The following UVRAG variants were observed in gnomAD, a reference collection of about 807,000 sequenced individuals.
The protein encoded by UVRAG is UV radiation resistance associated, also known as UV radiation resistance-associated gene protein.
In UVRAG, 19 loss-of-function variants were observed where a neutral mutation model predicts 78.0. The ratio of observed to expected loss-of-function variants is 0.24; its 90% CI spans 0.17 to 0.36. UVRAG has a LOEUF of 0.36. Among genes scored for constraint, UVRAG ranks in the 10% least tolerant of loss-of-function variants. The pLI, the probability that UVRAG is intolerant of heterozygous loss-of-function variation, is 1.00. For missense variants in UVRAG, 740 were observed against 853.8 expected, an observed-to-expected ratio of 0.87 and a Z score of 1.66; for synonymous variants, 323 against 324.6, an observed-to-expected ratio of 1.00 and a Z score of 0.05.
intron 1 of UVRAG, among the ~76,000 whole-genome samples, chr11:75,839,862 T>TATATATATAG (rs146855804): frequency 6.7e-5 from 10 of 149,036 alleles, no homozygotes; most frequent in Admixed American, 2.0e-4. Flanking sequence ...CATATATATA[T>TATATATATAG]AGAGAGAGAG....
intron 11 of UVRAG, among the ~76,000 whole-genome samples, chr11:76,015,967 A>G (rs1020484122): frequency 6.6e-6 from 1 of 152,248 alleles, no homozygotes; most frequent in Non-Finnish European, 1.5e-5. Context: ...GGAATACTGT[A>G]TACCAAGAAG....
chr11:75,843,074 C>G (rs1446072874), intron 1 of UVRAG, among the ~76,000 whole-genome samples: 1 of 152,140 alleles, frequency 6.6e-6, no homozygotes, highest in East Asian at 1.9e-4. Context: ...TGATGCAGAA[C>G]AAGATTAAGG....
intron 12 of UVRAG, among the ~76,000 whole-genome samples, chr11:76,026,346 T>C (rs1274464713): frequency 6.6e-6 from 1 of 152,188 alleles, no homozygotes; most frequent in Non-Finnish European, 1.5e-5. Context: ...ACATCTTATA[T>C]TAAGAATTAC....
At chr11:75,893,451 G>T (rs1947266020) in intron 5 of UVRAG, among the ~76,000 whole-genome samples, 1 of 151,728 alleles carries the variant, frequency 6.6e-6, no homozygotes, top group Admixed American at 6.6e-5. Flanking sequence ...AGAACTTTAA[G>T]AATAATCCTA....
chr11:75,871,203 C>T (rs943273126), intron 3 of UVRAG, among the ~76,000 whole-genome samples: 8 of 151,888 alleles, frequency 5.3e-5, no homozygotes, highest in Admixed American at 1.3e-4. Context: ...ACTACCTTTT[C>T]CCAGAGAGAA....
At chr11:76,135,662 T>C (rs75294278) in intron 14 of UVRAG, among the ~76,000 whole-genome samples, 1 of 152,312 alleles carries the variant, frequency 6.6e-6, no homozygotes, top group African/African-American at 2.4e-5. Context: ...ACCACAGATG[T>C]CATGTTTCCA....
At chr11:76,077,192 CTT>C (rs756626249) in intron 13 of UVRAG, among the ~76,000 whole-genome samples, 429 of 149,472 alleles carry the variant, frequency 2.9e-3, no homozygotes, top group Non-Finnish European at 5.2e-3. Context: ...ACACACATCT[CTT>C]GTATCTATTT....
At chr11:76,025,134 C>T (rs1950306024) in intron 12 of UVRAG, among the ~76,000 whole-genome samples, 1 of 152,196 alleles carries the variant, frequency 6.6e-6, no homozygotes, top group East Asian at 1.9e-4. Context: ...ACTTGTGCAC[C>T]TGCATACTGT....
Position 76,078,409 on chromosome 11 carries a change from TTAAAA to T in UVRAG, c.1305+12625_1305+12629del, listed in dbSNP as rs200362592. On this transcript the variant is annotated intron_variant, in intron 13 of 14. Transcript: ENST00000356136. ...ATAGACCCATATCATAATTCTGTAT[TTAAAA>T]TAATAACTTTGTAGATATTTCTGTA... Among the ~76,000 whole-genome samples the T allele has an allele frequency of 7.0e-3, 1,073 of 152,236 alleles. 17 individuals carry two copies. Among genetic ancestry groups the T allele is most frequent in the African/African-American group, 0.025 (1,024 of 41,524 alleles).
intron 13 of UVRAG, among the ~76,000 whole-genome samples, chr11:76,080,403 A>C (rs1027896260): frequency 2.0e-5 from 3 of 152,204 alleles, no homozygotes; most frequent in African/African-American, 4.8e-5. Context: ...CTGGTTGTAT[A>C]CCAAAACTGT....
chr11:76,036,020 C>T (rs1950527169), intron 12 of UVRAG, among the ~76,000 whole-genome samples: 1 of 152,122 alleles, frequency 6.6e-6, no homozygotes, highest in Non-Finnish European at 1.5e-5. Context: ...GGTTTGGGAC[C>T]TGTCTCAAGT....
chr11:75,865,657 C>T (rs1946521899), intron 3 of UVRAG, among the ~76,000 whole-genome samples: 1 of 151,908 alleles, frequency 6.6e-6, no homozygotes, highest in African/African-American at 2.4e-5. Context: ...TCTTGTCGCC[C>T]AGGCTGGGGT....
At chr11:76,060,664 G>A (rs895676571) in intron 12 of UVRAG, among the ~76,000 whole-genome samples, 2 of 151,926 alleles carry the variant, frequency 1.3e-5, no homozygotes, top group African/African-American at 4.8e-5. Flanking sequence ...CGGAGTGGCC[G>A]GCCGGCCCTG....
chr11:75,877,428 G>T (rs556829067), intron 3 of UVRAG, among the ~76,000 whole-genome samples: 8 of 151,726 alleles, frequency 5.3e-5, no homozygotes, highest in African/African-American at 1.9e-4. Context: ...AGGGGCGGCC[G>T]GGCAGAGGTG....
At chr11:76,087,651 A>G (rs1051210017) in intron 13 of UVRAG, among the ~76,000 whole-genome samples, 1 of 152,210 alleles carries the variant, frequency 6.6e-6, no homozygotes, top group Admixed American at 6.5e-5. Context: ...ATGAAGGATC[A>G]AGATACTTTA....
chr11:76,020,401 A>G (rs564466803), intron 12 of UVRAG, among the ~76,000 whole-genome samples: 4 of 152,042 alleles, frequency 2.6e-5, no homozygotes, highest in Non-Finnish European at 4.4e-5. Flanking sequence ...CTGTCTAGCT[A>G]TTACTCCTGG....
At chr11:75,924,121 G>A (rs750141472) in intron 6 of UVRAG, among the ~76,000 whole-genome samples, 2 of 152,174 alleles carry the variant, frequency 1.3e-5, no homozygotes, top group African/African-American at 2.4e-5. Context: ...GGCTCAGAGC[G>A]AATGCTCAGC....
intron 3 of UVRAG, among the ~76,000 whole-genome samples, chr11:75,869,350 T>A (rs1002676793): frequency 1.3e-5 from 2 of 152,212 alleles, no homozygotes; most frequent in Non-Finnish European, 2.9e-5. Flanking sequence ...TTTAAATCTT[T>A]GGGAAAAAAA....
At chr11:76,006,176 C>T (rs1428160469) in intron 9 of UVRAG, among the ~76,000 whole-genome samples, 2 of 152,126 alleles carry the variant, frequency 1.3e-5, no homozygotes, top group African/African-American at 2.4e-5. Flanking sequence ...ACTCTTATCG[C>T]TCAGGAAATT....
Sources: gnomAD v4.1 joint callset for allele counts (sites outside exome capture counted in the v4.1 genomes callset) on GRCh38, gnomAD v4.1.1 for gene constraint, MANE v1.5 for transcripts, NCBI Gene and HGNC (gene_info 2026-07-23, HGNC 2026-07-21) for gene names.